The following DIP2C variants were observed in gnomAD, a reference collection of about 807,000 sequenced individuals.
DIP2C encodes DIP2 acetate--CoA ligase C (putative).
In DIP2C, 33 loss-of-function variants were observed where a neutral mutation model predicts 192.4. The observed-to-expected ratio is 0.17, with a 90% confidence interval of 0.13 to 0.23. The LOEUF (loss-of-function observed/expected upper bound fraction) is 0.23. DIP2C is among the 10% of genes least tolerant of loss of function. The pLI, the probability that DIP2C is intolerant of heterozygous loss-of-function variation, is 1.00. For synonymous variants in DIP2C, 979 were observed against 864.1 expected (o/e 1.13, Z -2.33); for missense variants, 1,537 against 2,110.1 (o/e 0.73, Z 5.32).
intron 1 of DIP2C, among the ~76,000 whole-genome samples, chr10:561,938 C>CTG (rs1849241232): frequency 6.6e-6 from 1 of 152,260 alleles, no homozygotes; most frequent in African/African-American, 2.4e-5. Context: ...AGCAGTGCGG[C>CTG]TCCGCTGAGA....
chr10:602,301 T>C (rs1461623973), intron 1 of DIP2C, among the ~76,000 whole-genome samples: 2 of 152,194 alleles, frequency 1.3e-5, no homozygotes, highest in African/African-American at 4.8e-5. Flanking sequence ...CACCTGTGTC[T>C]TCCTCTTGCA....
chr10:547,765 A>C (rs111593486), intron 1 of DIP2C, among the ~76,000 whole-genome samples: 1,660 of 152,214 alleles, frequency 0.011, 25 homozygotes, highest in Admixed American at 0.038. Flanking sequence ...CAGTTTATAC[A>C]TGTGATAAAA....
chr10:564,833 A>T (rs1002066008), intron 1 of DIP2C, among the ~76,000 whole-genome samples: 5 of 152,340 alleles, frequency 3.3e-5, no homozygotes, highest in Middle Eastern at 3.4e-3. Flanking sequence ...ACGTGAGCAG[A>T]AACTGGAAAA....
intron 1 of DIP2C, among the ~76,000 whole-genome samples, chr10:501,896 G>C (rs816597): frequency 0.023 from 3,489 of 152,234 alleles, 133 homozygotes; most frequent in African/African-American, 0.08. Context: ...TGTAATCCCA[G>C]TGCTTTGGGA....
At chr10:619,766 G>A (rs1853742299) in intron 1 of DIP2C, among the ~76,000 whole-genome samples, 1 of 152,138 alleles carries the variant, frequency 6.6e-6, no homozygotes, top group Admixed American at 6.5e-5. Context: ...GCCTCCCCAT[G>A]GGCCCAGGGA....
At chr10:586,184 T>TA (rs891866074) in intron 1 of DIP2C, among the ~76,000 whole-genome samples, 28 of 152,204 alleles carry the variant, frequency 1.8e-4, no homozygotes, top group African/African-American at 6.7e-4. Context: ...GAGAGAGAAT[T>TA]AAATTGTGCT....
chr10:415,518 TAGAG>T (rs952249086), intron 7 of DIP2C, among the ~76,000 whole-genome samples: 27 of 152,260 alleles, frequency 1.8e-4, no homozygotes, highest in African/African-American at 2.9e-4. Context: ...ACAGAGTTCT[TAGAG>T]AGAGACCTGA....
rs183958539 is a variant in DIP2C, at chr10:628,730, G to A, written c.85+60764C>T. On this transcript the variant is annotated intron_variant, in intron 1 of 36. Transcript: ENST00000280886. ...GAAGGTGGAGAGAGGGCACCCGTCTGAGAAGATGAAGAGGCAGCAAAGCAC... is the reference window on the plus strand; with the variant it reads ...GAAGGTGGAGAGAGGGCACCCGTCTAAGAAGATGAAGAGGCAGCAAAGCAC... 6 of 152,544 alleles carry A rather than the reference G, an allele frequency of 3.9e-5. No individual in the cohort carries two copies. The East Asian group carries it at 1.2e-3, about 29-fold the overall frequency. 9.4% of individuals were successfully genotyped at this position (152,544 alleles called of 1,614,324 possible). A position where few individuals can be genotyped will look rare whatever the true frequency, so the allele number is the denominator to read the frequency against.
At chr10:492,348 C>T (rs537710861) in intron 1 of DIP2C, among the ~76,000 whole-genome samples, 8 of 152,228 alleles carry the variant, frequency 5.3e-5, no homozygotes, top group East Asian at 1.9e-4. Context: ...CTTGGCCACC[C>T]GTGCTCTGCC....
chr10:372,074 CTTTTTTTTT>C (rs71376826), intron 17 of DIP2C, among the ~76,000 whole-genome samples: 1 of 137,584 alleles, frequency 7.3e-6, no homozygotes. Flanking sequence ...ACCCCCTTTC[CTTTTTTTTT>C]TTTTTTTTTT....
At chr10:330,730 T>C (rs75878372) in intron 29 of DIP2C, among the ~76,000 whole-genome samples, 8,374 of 151,642 alleles carry the variant, frequency 0.055, 317 homozygotes, top group Middle Eastern at 0.11. Context: ...CCTCTCTTGT[T>C]CCTGCTGTGG....
At chr10:493,668 T>A (rs1268116924) in intron 1 of DIP2C, among the ~76,000 whole-genome samples, 2 of 150,860 alleles carry the variant, frequency 1.3e-5, no homozygotes, top group African/African-American at 4.9e-5. Flanking sequence ...CCCCTCAGAG[T>A]TTTTTCTTTG....
At chr10:467,096 C>A (rs1038517427) in intron 3 of DIP2C, among the ~76,000 whole-genome samples, 1 of 151,890 alleles carries the variant, frequency 6.6e-6, no homozygotes, top group South Asian at 2.1e-4. Flanking sequence ...ATGTTTATTG[C>A]GGCATTACTC....
chr10:500,719 A>C (rs1845165891), intron 1 of DIP2C, among the ~76,000 whole-genome samples: 1 of 152,236 alleles, frequency 6.6e-6, no homozygotes, highest in Non-Finnish European at 1.5e-5. Flanking sequence ...AGGGATGCTT[A>C]ATTCAATGAC....
chr10:424,002 A>G (rs1250028456), intron 4 of DIP2C, among the ~76,000 whole-genome samples: 1 of 152,180 alleles, frequency 6.6e-6, no homozygotes, highest in Non-Finnish European at 1.5e-5. Context: ...ACTATAATTT[A>G]TGAGAATATT....
intron 1 of DIP2C, among the ~76,000 whole-genome samples, chr10:537,041 C>T (rs901394022): frequency 4.6e-5 from 7 of 152,244 alleles, no homozygotes; most frequent in Admixed American, 2.0e-4. Context: ...ACCCCAGGCT[C>T]TCCTCACTGC....
At chr10:351,704 G>C (rs180778374) in intron 24 of DIP2C, among the ~76,000 whole-genome samples, 2 of 152,218 alleles carry the variant, frequency 1.3e-5, no homozygotes, top group African/African-American at 4.8e-5. Flanking sequence ...CTGGAGTCCG[G>C]GAAATCCTGC....
At chr10:668,074 AAC>A (rs1182957035) in intron 1 of DIP2C, 4 of 152,122 alleles carry the variant, frequency 2.6e-5, no homozygotes, top group African/African-American at 9.7e-5. Flanking sequence ...ACACTCATAC[AAC>A]ACACACAACA....
chr10:659,474 T>TA (rs1266831090), intron 1 of DIP2C, among the ~76,000 whole-genome samples: 1 of 152,234 alleles, frequency 6.6e-6, no homozygotes, highest in Non-Finnish European at 1.5e-5. Context: ...TTGTAATTAA[T>TA]AAACTCTACT....
Sources: allele counts gnomAD v4.1 joint callset (sites outside exome capture counted in the v4.1 genomes callset), GRCh38; gene constraint gnomAD v4.1.1; transcripts MANE v1.5; gene names NCBI Gene and HGNC (gene_info 2026-07-23, HGNC 2026-07-21).